KIAA1210: variants seen among roughly 807,000 people sequenced by gnomAD.
The protein encoded by KIAA1210 is acrosomal protein KIAA1210.
Under a neutral mutation model 78.9 loss-of-function variants are expected in KIAA1210, and 48 were observed. The ratio of observed to expected loss-of-function variants is 0.61; its 90% CI spans 0.48 to 0.77. The LOEUF is 0.77. Among genes scored for constraint, KIAA1210 ranks in the 30% least tolerant of loss-of-function variants. The probability of loss-of-function intolerance (pLI) is 0.00; values close to 1 mark genes in which losing one functional copy is unlikely to be tolerated. For synonymous variants in KIAA1210, 406 were observed against 404.5 expected, an observed-to-expected ratio of 1.00 and a Z score of -0.04; for missense variants, 1,108 against 1,100.0, an observed-to-expected ratio of 1.01 and a Z score of -0.10.
At chrX:119,109,634 A>G (rs777662337) in intron 3 of KIAA1210, among the ~76,000 whole-genome samples, 4 of 112,215 alleles carry the variant, frequency 3.6e-5, no homozygotes, top group Admixed American at 1.9e-4. Context: ...ATAATTCAAT[A>G]GTGGCAATTC....
At chrX:119,089,783 G>A in intron 8 of KIAA1210, 37 bp from the exon 9 acceptor site, 1 of 1,115,473 alleles carries the variant, frequency 9.0e-7, no homozygotes, top group South Asian at 2.1e-5. Flanking sequence ...AGAAATATGT[G>A]TGACTTTCAC....
upstream of KIAA1210, among the ~76,000 whole-genome samples, chrX:119,132,485 G>A (rs1489470358): frequency 5.4e-5 from 6 of 111,081 alleles, no homozygotes; most frequent in Non-Finnish European, 1.1e-4. Flanking sequence ...ACTTCTTTAC[G>A]AAGAACTTAA....
chrX:119,123,725 C>A, intron 1 of KIAA1210, 73 bp from the exon 2 acceptor site: 2 of 636,840 alleles, frequency 3.1e-6, no homozygotes, highest in Non-Finnish European at 2.5e-6. Context: ...ATCCTTTCAC[C>A]CTACCCCTTA....
At chrX:119,119,960 A>C (rs1928395755) in intron 2 of KIAA1210, among the ~76,000 whole-genome samples, 1 of 91,031 alleles carries the variant, frequency 1.1e-5, no homozygotes, top group Admixed American at 1.3e-4. Flanking sequence ...TGGGTGACAG[A>C]GTGAGACTCC....
intron 1 of KIAA1210, chrX:119,147,683 C>T: frequency 1.1e-6 from 1 of 936,360 alleles, no homozygotes; most frequent in Non-Finnish European, 1.5e-6. Flanking sequence ...CCCTGGGCCA[C>T]AAGATGGCAA....
intron 3 of KIAA1210, among the ~76,000 whole-genome samples, chrX:119,112,242 GAATGGACTAATAC>G (rs1175950781): frequency 9.0e-6 from 1 of 111,574 alleles, no homozygotes; most frequent in Non-Finnish European, 1.9e-5. Context: ...ATAGCAGTGA[GAATGGACTAATAC>G]AAATGGATTT....
At chrX:119,124,986 G>A (rs1928583764) in intron 1 of KIAA1210, among the ~76,000 whole-genome samples, 1 of 110,619 alleles carries the variant, frequency 9.0e-6, no homozygotes, top group Non-Finnish European at 1.9e-5. Flanking sequence ...CAGATACAGG[G>A]GCCAAATTTC....
intron 2 of KIAA1210, among the ~76,000 whole-genome samples, chrX:119,135,179 C>A (rs1002317927): frequency 8.9e-6 from 1 of 111,742 alleles, no homozygotes; most frequent in Non-Finnish European, 1.9e-5. Flanking sequence ...CATGATTCGA[C>A]CACTACACTC....
intron 10 of KIAA1210, among the ~76,000 whole-genome samples, 192 bp downstream of exon 10, chrX:119,085,191 C>G (rs1330729963): frequency 2.7e-5 from 3 of 112,211 alleles, no homozygotes; most frequent in Non-Finnish European, 5.6e-5. Context: ...CTGCACAAAC[C>G]CTTTAAGAGC....
intron 6 of KIAA1210, among the ~76,000 whole-genome samples, chrX:119,103,933 G>A (rs1603267510): frequency 1.8e-5 from 2 of 111,680 alleles, no homozygotes; most frequent in Non-Finnish European, 3.8e-5. Flanking sequence ...TTGTTGTCAG[G>A]GGCTGATGGG....
At chrX:119,120,854 G>A (rs1210372691) in intron 2 of KIAA1210, among the ~76,000 whole-genome samples, 1 of 111,742 alleles carries the variant, frequency 8.9e-6, no homozygotes, top group Non-Finnish European at 1.9e-5. Flanking sequence ...ACGGAGAGAT[G>A]GTAACTGCCA....
intron 7 of KIAA1210, 35 bp from the exon 8 acceptor site, chrX:119,093,810 G>A (rs781490961): frequency 3.0e-5 from 34 of 1,125,732 alleles, no homozygotes; most frequent in Non-Finnish European, 4.1e-5. Flanking sequence ...GAATCCTACT[G>A]AAGTGCTTTC....
chrX:119,088,333 G>A lies in KIAA1210; in HGVS notation c.2369C>T (p.Ser790Phe), dbSNP rs778251275. ...CTCTTCAACAGCCATGCTCTTTGGAGATGAGGAAACTTCTTGCTCCACTTT... is the reference window on the plus strand; with the variant it reads ...CTCTTCAACAGCCATGCTCTTTGGAAATGAGGAAACTTCTTGCTCCACTTT... ...NPKVEQEVSS[S>F]PKSMAVEESI... is the part of the protein sequence containing the mutation. The change falls in exon 9 of 12, where the codon TCT becomes TTT. Residue 790 changes from serine (S) to phenylalanine (F), a missense_variant. Ser to Phe is a radical substitution (Grantham distance 155). Around this residue, in one of 5 missense-constraint regions of KIAA1210, gnomAD observed 672 missense variants for 607.1 expected, o/e 1.11. Coordinates refer to ENST00000691062, the MANE Select transcript of KIAA1210 (RefSeq NM_001394962.1). 3 of 1,210,936 alleles carry A rather than the reference G, an allele frequency of 2.5e-6. No individual in the cohort carries two copies. In the Admixed American group the frequency reaches 6.5e-5, roughly 26 times the overall value.
chrX:119,108,645 G>A (rs779837645), intron 4 of KIAA1210, among the ~76,000 whole-genome samples, 174 bp from the exon 5 acceptor site: 49 of 110,286 alleles, frequency 4.4e-4, no homozygotes, highest in Non-Finnish European at 7.6e-4. Context: ...CGGGAGGGTT[G>A]CTTGGGCCCA....
rs1171379228 is a variant in KIAA1210 at position 119,081,438 on chromosome X, G to A, written c.4493C>T (p.Thr1498Ile). 5.0e-6 allele frequency: 6 copies of A among 1,208,794 alleles called. No homozygotes were observed. The highest frequency in any genetic ancestry group is 6.7e-6 in the Non-Finnish European group (6 of 894,607). ...TGGGTTCTGGAACTTGGCTGGGAGA[G>A]TTGAAGATCGTTTGGTTTCTTTTTC... is the stretch of plus-strand genomic sequence containing the variant. ...AMEKETKRSS[T>I]LPAKFQNPVE... The change falls in exon 12 of 12, where the codon ACT becomes ATT. Residue 1498 changes from threonine to isoleucine, a missense_variant. Physicochemically the swap from Thr to Ile is moderately conservative, Grantham distance 89 (BLOSUM62 -1). Transcript: ENST00000691062.
At position 119,114,085 on chromosome X, in the gene KIAA1210, T is replaced by C. The variant is rs752672325; in HGVS notation, c.230+2411A>G. Among the ~76,000 whole-genome samples the C allele has an allele frequency of 5.4e-5, 6 of 111,915 alleles. No individual in the cohort carries two copies. The South Asian group carries it at 2.2e-3, about 42-fold the overall frequency. On this transcript the variant is annotated intron_variant, in intron 3 of 11. Transcript: ENST00000691062. ...ACTTATTATCTTTATTACAAAACAA[T>C]ACATTTATGTTAGCACTTAAAAAAA...
At chrX:119,085,325 C>A in intron 10 of KIAA1210, 58 bp downstream of exon 10, 1 of 1,103,050 alleles carries the variant, frequency 9.1e-7, no homozygotes, top group Non-Finnish European at 1.2e-6. Flanking sequence ...CAATAGAAAC[C>A]TAATCAGTGA....
chrX:119,113,613 A>G (rs1245881862), intron 3 of KIAA1210, among the ~76,000 whole-genome samples: 1 of 111,821 alleles, frequency 8.9e-6, no homozygotes, highest in Non-Finnish European at 1.9e-5. Flanking sequence ...AAAATTGGGT[A>G]ATAGTGATAG....
intron 3 of KIAA1210, among the ~76,000 whole-genome samples, chrX:119,112,322 G>T (rs945154820): frequency 9.0e-6 from 1 of 111,494 alleles, no homozygotes; most frequent in African/African-American, 3.3e-5. Context: ...ATGAAAAGAT[G>T]ACCTACGTAA....
Sources: gnomAD v4.1 joint callset for allele counts (sites outside exome capture counted in the v4.1 genomes callset) on GRCh38, gnomAD v4.1.1 for gene constraint, gnomAD v4.1.1 regional missense constraint, MANE v1.5 for transcripts, NCBI Gene and HGNC (gene_info 2026-07-23, HGNC 2026-07-21) for gene names.